RINT1: variants seen among roughly 807,000 people sequenced by gnomAD.
The protein encoded by RINT1 is RAD50-interacting protein 1.
A neutral mutation model predicts 97.7 loss-of-function variants in RINT1; 75 were observed. The ratio of observed to expected loss-of-function variants is 0.77; its 90% CI spans 0.64 to 0.93. RINT1 has a LOEUF of 0.93. RINT1 is among the 40% of genes least tolerant of loss of function. The pLI is 0.00. For missense variants in RINT1, 892 were observed against 925.2 expected (o/e 0.96, Z 0.47); for synonymous variants, 303 against 326.3 (o/e 0.93, Z 0.77).
At chr7:105,551,256 C>A (rs561679125) in intron 9 of RINT1, among the ~76,000 whole-genome samples, 1 of 152,202 alleles carries the variant, frequency 6.6e-6, no homozygotes, top group South Asian at 2.1e-4. Context: ...TGGTTGTGAA[C>A]TCCTAGACTC....
In RINT1 at chr7:105,542,639, G is replaced by A. The variant is rs1442120615; in HGVS notation, c.505G>A (p.Glu169Lys). Reference protein sequence around the residue: ...LAYLKWISQIEELSDNIQQYL... With the variant: ...LAYLKWISQIKELSDNIQQYL... ...TTACCTTAAATGGATTTCACAAATT[G>A]AAGAACTAAGGTAAAATGGGCCTCT... is the stretch of plus-strand genomic sequence containing the variant. Residue 169 changes from glutamate (E) to lysine (K), a missense_variant, in exon 4 of 15, where the codon GAA becomes AAA. Glu to Lys is a moderately conservative substitution (Grantham distance 56, BLOSUM62 1). Transcript: ENST00000257700. 6.2e-7 allele frequency: 1 copy of A among 1,612,740 alleles called. No homozygotes were observed. Among genetic ancestry groups the A allele is most frequent in the Admixed American group, 1.7e-5 (1 of 59,700 alleles).
At position 105,567,322 on chromosome 7, in the gene RINT1, A is replaced by G. The variant is rs1274866970; in HGVS notation, c.*11A>G. 2 of 1,562,014 alleles carry G rather than the reference A, an allele frequency of 1.3e-6. No homozygotes were observed. The highest frequency in any genetic ancestry group is 1.7e-6 in the Non-Finnish European group (2 of 1,149,776). On this transcript the variant is annotated 3_prime_UTR_variant, in exon 15 of 15. Coordinates refer to ENST00000257700, the MANE Select transcript of RINT1 (RefSeq NM_021930.6). Reference sequence around the variant, plus strand: ...AATACTGGAAAATAATGTCTTTCAGAAAAAGGTTTCTTTGGTTTTTGTTTC... The same window carrying G: ...AATACTGGAAAATAATGTCTTTCAGGAAAAGGTTTCTTTGGTTTTTGTTTC...
chr7:105,545,506 T>A (rs1790626669), intron 4 of RINT1, among the ~76,000 whole-genome samples: 1 of 149,030 alleles, frequency 6.7e-6, no homozygotes, highest in Admixed American at 6.7e-5. Flanking sequence ...AATTCTTCTG[T>A]AATATTTGTA....
intron 9 of RINT1, among the ~76,000 whole-genome samples, chr7:105,551,122 G>A (rs1254268649): frequency 6.6e-6 from 1 of 152,094 alleles, no homozygotes; most frequent in African/African-American, 2.4e-5. Context: ...TCGACCTCTG[G>A]GGCTCAGGTG....
rs754026595 is a variant in RINT1 at position 105,547,248 on chromosome 7, G to C, written c.754G>C (p.Val252Leu). The C allele has an allele frequency of 6.2e-7, 1 of 1,614,170 alleles. No homozygotes were observed. ...PFIAPPQSQT[V>L]GLSRPASAPE... Reference sequence around the variant, plus strand: ...CATCGCACCCCCTCAATCACAAACTGTTGGCTTAAGTCGACCTGCCAGTGC... The same window carrying C: ...CATCGCACCCCCTCAATCACAAACTCTTGGCTTAAGTCGACCTGCCAGTGC... The change falls in exon 6 of 15, where the codon GTT (valine) becomes CTT (leucine). Residue 252 changes from valine (V) to leucine (L), a missense_variant. Val to Leu is a conservative substitution (Grantham distance 32). Transcript: ENST00000257700.
In RINT1 at chr7:105,532,268, C is replaced by T. The variant is rs1427740277; in HGVS notation, c.-48C>T. ...TGTCGCTGGCCTTAGCCAGACTCCACAGGCCACGCTGGCTGCGAATGGAGC... is the reference window on the plus strand; with the variant it reads ...TGTCGCTGGCCTTAGCCAGACTCCATAGGCCACGCTGGCTGCGAATGGAGC... On this transcript the variant is annotated 5_prime_UTR_variant, in exon 1 of 15. Coordinates refer to ENST00000257700, the MANE Select transcript of RINT1 (RefSeq NM_021930.6). 5 of 1,547,908 alleles carry T rather than the reference C, an allele frequency of 3.2e-6. No homozygotes were observed. Among genetic ancestry groups the T allele is most frequent in the Non-Finnish European group, 4.3e-6 (5 of 1,150,202 alleles).
At chr7:105,544,238 C>T (rs1019181249) in intron 4 of RINT1, among the ~76,000 whole-genome samples, 2 of 152,036 alleles carry the variant, frequency 1.3e-5, no homozygotes, top group Admixed American at 1.3e-4. Flanking sequence ...CTTTATTTTA[C>T]TGCATTTCTC....
chr7:105,536,950 G>C (rs1213964578), intron 3 of RINT1, among the ~76,000 whole-genome samples: 1 of 151,980 alleles, frequency 6.6e-6, no homozygotes, highest in African/African-American at 2.4e-5. Context: ...TACTGATATG[G>C]TTTGTCTTCA....
intron 11 of RINT1, among the ~76,000 whole-genome samples, chr7:105,560,549 A>G (rs1791393672): frequency 6.6e-6 from 1 of 152,094 alleles, no homozygotes; most frequent in South Asian, 2.1e-4. Context: ...GTAAATGTAT[A>G]AAAAAATTAA....
At chr7:105,539,814 A>G (rs1790384946) in intron 3 of RINT1, among the ~76,000 whole-genome samples, 1 of 152,186 alleles carries the variant, frequency 6.6e-6, no homozygotes, top group South Asian at 2.1e-4. Flanking sequence ...CCCATTCATT[A>G]AATATAGCCT....
At chr7:105,532,619 G>A (rs895604559) in intron 1 of RINT1, among the ~76,000 whole-genome samples, 1 of 150,122 alleles carries the variant, frequency 6.7e-6, no homozygotes, top group South Asian at 2.2e-4. Flanking sequence ...GTCCTGCGGA[G>A]GTGACACACA....
chr7:105,536,516 A>T, intron 2 of RINT1, 49 bp from the exon 3 acceptor site: 1 of 1,286,474 alleles, frequency 7.8e-7, no homozygotes, highest in Non-Finnish European at 1.1e-6. Context: ...ATTTTCTTTA[A>T]CTCCATAGTA....
intron 4 of RINT1, among the ~76,000 whole-genome samples, chr7:105,546,038 A>C (rs1434058746): frequency 6.6e-6 from 1 of 151,820 alleles, no homozygotes; most frequent in African/African-American, 2.4e-5. Context: ...CAAGTTGGCC[A>C]GGCTGGTCTC....
In RINT1 at chr7:105,532,210, A is replaced by T. The variant is rs761242677; in HGVS notation, c.-106A>T. On this transcript the variant is annotated 5_prime_UTR_variant, in exon 1 of 15. Transcript: ENST00000257700. ...TCGAGAGGAAGTCGCTGTGGCACTC[A>T]GTCCTACGGCCTCCGAGGCTGGGTA... The T allele has an allele frequency of 8.0e-7, 1 of 1,256,812 alleles. No homozygotes were observed. Among genetic ancestry groups the T allele is most frequent in the Non-Finnish European group, 1.1e-6 (1 of 913,832 alleles). 77.9% of individuals were successfully genotyped at this position (1,256,812 alleles called of 1,614,324 possible).
rs1791111365 is a variant in RINT1, at chr7:105,554,972, A to G, written c.1472-56A>G. ...AAGCAGGACAGTAGGGAAAACTTAT[A>G]ACTATATCATAGATGGTACCAAAAC... On this transcript the variant is annotated intron_variant, in intron 10 of 14. Transcript: ENST00000257700. 5.0e-6 allele frequency: 7 copies of G among 1,392,996 alleles called. No homozygotes were observed. The East Asian group carries it at 6.9e-5, about 14-fold the overall frequency. 86.3% of individuals were successfully genotyped at this position (1,392,996 alleles called of 1,614,324 possible).
At chr7:105,534,602 T>A (rs1790154937) in intron 2 of RINT1, among the ~76,000 whole-genome samples, 1 of 150,762 alleles carries the variant, frequency 6.6e-6, no homozygotes, top group African/African-American at 2.4e-5. Context: ...TATTATATAG[T>A]CCCATTTATA....
chr7:105,562,733 C>T (rs1009864802), intron 11 of RINT1, among the ~76,000 whole-genome samples: 4 of 151,610 alleles, frequency 2.6e-5, no homozygotes, highest in South Asian at 4.2e-4. Context: ...ACCATCTCTA[C>T]GAAAGTTACA....
At chr7:105,539,218 C>A (rs779997606) in intron 3 of RINT1, among the ~76,000 whole-genome samples, 2 of 152,074 alleles carry the variant, frequency 1.3e-5, no homozygotes, top group Non-Finnish European at 2.9e-5. Context: ...GATAATGGCA[C>A]CACTATTTGC....
intron 12 of RINT1, among the ~76,000 whole-genome samples, 153 bp downstream of exon 12, chr7:105,564,100 T>C (rs901710868): frequency 6.6e-6 from 1 of 151,878 alleles, no homozygotes. Flanking sequence ...CTCTTGGACA[T>C]TTTTTTTGAG....
Sources: gnomAD v4.1 joint callset for allele counts (sites outside exome capture counted in the v4.1 genomes callset) on GRCh38, gnomAD v4.1.1 for gene constraint, MANE v1.5 for transcripts, NCBI Gene and HGNC (gene_info 2026-07-23, HGNC 2026-07-21) for gene names.